PNPLA7: variants seen among roughly 807,000 people sequenced by gnomAD.
The protein encoded by PNPLA7 is patatin-like phospholipase domain-containing protein 7.
PNPLA7 carries 153 observed loss-of-function variants against 161.7 expected under a neutral mutation model. The observed-to-expected ratio is 0.95, with a 90% CI of 0.83 to 1.08. The LOEUF (loss-of-function observed/expected upper bound fraction) is 1.08. PNPLA7 is among the 50% of genes least tolerant of loss of function. PNPLA7 has a pLI of 0.00. For missense variants in PNPLA7, 1,739 were observed against 1,856.6 expected, an observed-to-expected ratio of 0.94 and a Z score of 1.16; for synonymous variants, 809 against 782.1, an observed-to-expected ratio of 1.03 and a Z score of -0.57.
chr9:137,481,930 C>A (rs1832241770), intron 21 of PNPLA7, among the ~76,000 whole-genome samples: 1 of 152,162 alleles, frequency 6.6e-6, no homozygotes, highest in Non-Finnish European at 1.5e-5. Context: ...AGCAAGACTC[C>A]ATCTCAGAAA....
rs139675712 is a variant in PNPLA7, at chr9:137,489,059, C to A, written c.2197+3954G>T. Among the ~76,000 whole-genome samples, 47 of 149,190 alleles carry A rather than the reference C, an allele frequency of 3.2e-4. No individual in the cohort carries two copies. In the East Asian group the frequency reaches 9.0e-3, roughly 29 times the overall value. ...TGCACCCGCTGACCAGCAGACATCC[C>A]TCCCAACTGTGCACCCCCTGACCAG... is the stretch of plus-strand genomic sequence containing the variant. On this transcript the variant is annotated intron_variant, in intron 20 of 34. Coordinates refer to ENST00000406427, the MANE Select transcript of PNPLA7 (RefSeq NM_001098537.3).
rs1836618361 is a variant in PNPLA7, at chr9:137,547,737, G to A, written c.31-78C>T. On this transcript the variant is annotated intron_variant, in intron 1 of 34. Coordinates refer to ENST00000406427, the MANE Select transcript of PNPLA7 (RefSeq NM_001098537.3). This position sits in a 1 kb window ranked among gnomAD's most constrained non-coding sequence, Gnocchi z 4.6. ...ACTTGTTCAGAGCAGCAGGAGGAGA[G>A]CTGGGAGTTAGGGGAGAAGTCAGCA... 7.3e-7 allele frequency: 1 copy of A among 1,376,270 alleles called. No homozygotes were observed. The highest frequency in any genetic ancestry group is 1.7e-5 in the Admixed American group (1 of 59,396). 85.3% of individuals were successfully genotyped at this position (1,376,270 alleles called of 1,614,324 possible).
intron 20 of PNPLA7, among the ~76,000 whole-genome samples, chr9:137,488,131 G>A (rs574121686): frequency 2.0e-5 from 3 of 152,386 alleles, no homozygotes; most frequent in East Asian, 3.9e-4. Context: ...CGGCCTGAAC[G>A]CTGCTCTCGT....
chr9:137,478,924 C>T (rs1033843708), intron 24 of PNPLA7, 132 bp downstream of exon 24: 97 of 1,236,362 alleles, frequency 7.8e-5, no homozygotes, highest in Non-Finnish European at 1.0e-4. Flanking sequence ...GGCAGGGTCA[C>T]GTTCACAAGC....
chr9:137,533,962 C>T (rs1401913436), intron 8 of PNPLA7, among the ~76,000 whole-genome samples: 2 of 151,324 alleles, frequency 1.3e-5, no homozygotes, highest in Non-Finnish European at 2.9e-5. Flanking sequence ...GGAGGACTCC[C>T]AGAATCCTCC....
At position 137,500,720 on chromosome 9, in the gene PNPLA7, G is replaced by C; in HGVS notation, c.1728C>G (p.Phe576Leu). Residue 576 changes from phenylalanine (F) to leucine (L), a missense_variant, in exon 16 of 35, where the codon TTC (phenylalanine) becomes TTG (leucine). By Grantham distance (22) the Phe-to-Leu change is conservative. Around this residue, in one of 6 missense-constraint regions of PNPLA7, gnomAD observed 481 missense variants for 450.0 expected, o/e 1.07. Coordinates refer to ENST00000406427, the MANE Select transcript of PNPLA7 (RefSeq NM_001098537.3). This position sits in a 1 kb window ranked among gnomAD's most constrained non-coding sequence, Gnocchi z 5.5. ...FTVKANRDCS[F>L]LSISKAHFYE... is the part of the protein sequence containing the mutation. ...AGAAGTGGGCCTTGGAGATGGACAGGAAGCTGCAGTCCCTGTTGGCCTTGA... is the reference window on the plus strand; with the variant it reads ...AGAAGTGGGCCTTGGAGATGGACAGCAAGCTGCAGTCCCTGTTGGCCTTGA... 6.2e-7 allele frequency: 1 copy of C among 1,612,464 alleles called. No individual in the cohort carries two copies. The highest frequency in any genetic ancestry group is 1.1e-5 in the South Asian group (1 of 90,994).
At chr9:137,512,818 T>A (rs370930846) in intron 12 of PNPLA7, among the ~76,000 whole-genome samples, 15 of 148,814 alleles carry the variant, frequency 1.0e-4, no homozygotes, top group African/African-American at 2.5e-4. Flanking sequence ...AAAAAAAAAA[T>A]GCCAAGTGCA....
In PNPLA7 at chr9:137,547,328, G is replaced by A. The variant is rs142360903; in HGVS notation, c.174C>T (p.Phe58=). The change falls in exon 3 of 35, where the codon TTC becomes TTT. Residue 58 remains phenylalanine, a synonymous_variant. Transcript: ENST00000406427. The surrounding 1 kb of genome is among the most constrained non-coding windows in gnomAD (Gnocchi z 4.6). ...ALVGVLILFM[F]RRLRQFRQAQ... ...ACTCACGAAATTGTCTAAGCCTTCT[G>A]AACATGAAAAGGATGAGGACACCAA... is the stretch of plus-strand genomic sequence containing the variant. 1.2e-5 allele frequency: 20 copies of A among 1,613,562 alleles called. No individual in the cohort carries two copies. The highest frequency in any genetic ancestry group is 3.3e-4 in the Middle Eastern group (2 of 6,062).
chr9:137,540,734 G>T lies in PNPLA7; in HGVS notation c.667-12C>A. ...ACCTCGGTGCCGTCCTGCGCTTGGA[G>T]AGCAGAGTGGGTGCCGTCAGGTCTG... On this transcript the variant is annotated splice_polypyrimidine_tract_variant and intron_variant, in intron 7 of 34. Coordinates refer to ENST00000406427, the MANE Select transcript of PNPLA7 (RefSeq NM_001098537.3). This position sits in a 1 kb window ranked among gnomAD's most constrained non-coding sequence, Gnocchi z 5.1. 6.2e-7 allele frequency: 1 copy of T among 1,604,244 alleles called. No individual in the cohort carries two copies. Among genetic ancestry groups the T allele is most frequent in the South Asian group, 1.1e-5 (1 of 89,834 alleles).
At chr9:137,497,998 G>T in intron 17 of PNPLA7, 116 bp downstream of exon 17, 1 of 1,476,782 alleles carries the variant, frequency 6.8e-7, no homozygotes, top group South Asian at 1.3e-5. Context: ...CCTTCCATGT[G>T]TGGTTTCCAC....
intron 19 of PNPLA7, 94 bp from the exon 20 acceptor site, chr9:137,493,176 C>T: frequency 7.7e-7 from 1 of 1,298,710 alleles, no homozygotes. Context: ...CGAGACTCAG[C>T]CAATGGCGCT....
intron 9 of PNPLA7, 24 bp downstream of exon 9, chr9:137,522,705 G>A: frequency 6.2e-7 from 1 of 1,612,692 alleles, no homozygotes; most frequent in Non-Finnish European, 8.5e-7. Flanking sequence ...GCAGCTAGAA[G>A]AGTTGTCTGA....
At position 137,505,717 on chromosome 9, in the gene PNPLA7, G is replaced by A. The variant is rs1429844312; in HGVS notation, c.1370C>T (p.Ser457Phe). The A allele has an allele frequency of 1.9e-6, 3 of 1,614,004 alleles. No individual in the cohort carries two copies. Among genetic ancestry groups the A allele is most frequent in the Non-Finnish European group, 2.5e-6 (3 of 1,180,036 alleles). Residue 457 changes from serine (S) to phenylalanine (F), a missense_variant, in exon 14 of 35, where the codon TCC becomes TTC. Physicochemically the swap from Ser to Phe is radical, Grantham distance 155 (BLOSUM62 -2). This residue lies in a region of PNPLA7 where 481 missense variants were observed against 450.0 expected (regional missense o/e 1.07). Coordinates refer to ENST00000406427, the MANE Select transcript of PNPLA7 (RefSeq NM_001098537.3). ...VMVAEIPSTVSQHSESHTDET... is the reference protein window; with the variant it reads ...VMVAEIPSTVFQHSESHTDET... ...ATCCGTGTGACTCTCTGAGTGCTGG[G>A]AGACCGTGGAGGGTATCTCTGCAAC... is the stretch of plus-strand genomic sequence containing the variant.
At chr9:137,492,456 G>A (rs1009356639) in intron 20 of PNPLA7, 3 of 238,316 alleles carry the variant, frequency 1.3e-5, no homozygotes, top group Non-Finnish European at 2.0e-5. Flanking sequence ...GGGGCTCTGA[G>A]GTAGGTGGGA....
At chr9:137,484,122 G>A (rs573378820) in intron 21 of PNPLA7, among the ~76,000 whole-genome samples, 2 of 151,784 alleles carry the variant, frequency 1.3e-5, no homozygotes, top group Non-Finnish European at 2.9e-5. Flanking sequence ...TTCTAGTAGA[G>A]ATGGAGTTTT....
intron 8 of PNPLA7, among the ~76,000 whole-genome samples, chr9:137,526,095 C>T (rs969367602): frequency 6.6e-6 from 1 of 151,894 alleles, no homozygotes; most frequent in Non-Finnish European, 1.5e-5. Flanking sequence ...ATTCTAGTTC[C>T]AGTATAACTA....
At chr9:137,482,649 G>A (rs1832276944) in intron 21 of PNPLA7, among the ~76,000 whole-genome samples, 1 of 152,208 alleles carries the variant, frequency 6.6e-6, no homozygotes, top group African/African-American at 2.4e-5. Context: ...GCAGGTCACA[G>A]AAACGGCACC....
At position 137,461,528 on chromosome 9, in the gene PNPLA7, C is replaced by G; in HGVS notation, c.3841+8G>C. The G allele has an allele frequency of 6.2e-7, 1 of 1,610,916 alleles. No homozygotes were observed. The highest frequency in any genetic ancestry group is 8.5e-7 in the Non-Finnish European group (1 of 1,178,302). ...GTCTCCACGGCTTCGTCTTGCGCCTCCACTCACCATCCACCATGGCGGGCT... is the reference window on the plus strand; with the variant it reads ...GTCTCCACGGCTTCGTCTTGCGCCTGCACTCACCATCCACCATGGCGGGCT... On this transcript the variant is annotated splice_region_variant and intron_variant, in intron 33 of 34. Coordinates refer to ENST00000406427, the MANE Select transcript of PNPLA7 (RefSeq NM_001098537.3).
At chr9:137,485,888 G>A (rs886463625) in intron 20 of PNPLA7, among the ~76,000 whole-genome samples, 4 of 152,200 alleles carry the variant, frequency 2.6e-5, no homozygotes, top group Non-Finnish European at 5.9e-5. Context: ...TGGGACTTGA[G>A]AGTCCCCCAG....
Sources: allele counts gnomAD v4.1 joint callset (sites outside exome capture counted in the v4.1 genomes callset), GRCh38; gene constraint gnomAD v4.1.1; regional missense constraint gnomAD v4.1.1; non-coding constraint Gnocchi (gnomAD v3.1); transcripts MANE v1.5; gene names NCBI Gene and HGNC (gene_info 2026-07-23, HGNC 2026-07-21).